XYLT1: variants seen among roughly 807,000 people sequenced by gnomAD.
The protein encoded by XYLT1 is xylosyltransferase 1.
Under a neutral mutation model 91.3 loss-of-function variants are expected in XYLT1, and 36 were observed. The ratio of observed to expected loss-of-function variants is 0.39; its 90% CI spans 0.30 to 0.52. XYLT1 has a LOEUF of 0.52. XYLT1 is among the 20% of genes least tolerant of loss of function. The pLI is 0.68. For synonymous variants in XYLT1, 588 were observed against 532.0 expected (o/e 1.11, Z -1.45); for missense variants, 1,242 against 1,284.5 (o/e 0.97, Z 0.51).
intron 3 of XYLT1, among the ~76,000 whole-genome samples, chr16:17,218,042 A>G (rs533669742): frequency 1.3e-5 from 2 of 152,100 alleles, no homozygotes; most frequent in African/African-American, 4.8e-5. Flanking sequence ...GGTGGATCAC[A>G]AGGTCAGGTG....
chr16:17,426,834 CTT>C (rs1020860152), intron 1 of XYLT1, among the ~76,000 whole-genome samples: 63 of 152,144 alleles, frequency 4.1e-4, no homozygotes, highest in African/African-American at 1.5e-3. Flanking sequence ...AGAGGAAAAA[CTT>C]TAAGTAGGGT....
Position 17,397,602 on chromosome 16 carries a change from A to C in XYLT1, c.364-39552T>G, listed in dbSNP as rs182962686. On this transcript the variant is annotated intron_variant, in intron 1 of 11. Transcript: ENST00000261381. Reference sequence around the variant, plus strand: ...GCTCTGATGCTATCAAAGGCCTCTCACACATATTCTTGGTTCCCTGCCAAC... The same window carrying C: ...GCTCTGATGCTATCAAAGGCCTCTCCCACATATTCTTGGTTCCCTGCCAAC... 3.5e-4 allele frequency among the ~76,000 whole-genome samples: 53 copies of C among 152,122 alleles called. 1 individual carries two copies. In the East Asian group the frequency reaches 7.6e-3, roughly 22 times the overall value.
At chr16:17,138,044 AT>A (rs2030813213) in intron 8 of XYLT1, among the ~76,000 whole-genome samples, 5 of 117,296 alleles carry the variant, frequency 4.3e-5, no homozygotes, top group African/African-American at 1.2e-4. Flanking sequence ...AGAGAAGATG[AT>A]ATGAGTATGG....
At chr16:17,283,752 A>G (rs9922241) in intron 2 of XYLT1, among the ~76,000 whole-genome samples, 25,045 of 152,164 alleles carry the variant, frequency 0.16, 2,373 homozygotes, top group African/African-American at 0.25. Context: ...CTTCTGTCTT[A>G]GGATACTTCA....
chr16:17,288,536 G>A (rs567501864), intron 2 of XYLT1, among the ~76,000 whole-genome samples: 1 of 152,180 alleles, frequency 6.6e-6, no homozygotes, highest in South Asian at 2.1e-4. Context: ...CTTGCCCTTG[G>A]CAATGTGCCC....
chr16:17,198,732 T>A (rs2032479355), intron 4 of XYLT1, among the ~76,000 whole-genome samples: 1 of 152,208 alleles, frequency 6.6e-6, no homozygotes, highest in African/African-American at 2.4e-5. Context: ...TTATTTTATT[T>A]TGAGATGGAG....
chr16:17,200,998 A>T (rs1207639385), intron 3 of XYLT1, among the ~76,000 whole-genome samples: 4 of 152,174 alleles, frequency 2.6e-5, no homozygotes, highest in Non-Finnish European at 5.9e-5. Context: ...AGAAGCAGTT[A>T]ATTTCGAGTT....
chr16:17,190,542 GTGT>G (rs1298698578), intron 5 of XYLT1, among the ~76,000 whole-genome samples: 2 of 150,136 alleles, frequency 1.3e-5, no homozygotes, highest in Non-Finnish European at 2.9e-5. Context: ...AGAACATGTG[GTGT>G]TCGGTTTTTT....
At chr16:17,130,700 A>G (rs997727664) in intron 9 of XYLT1, among the ~76,000 whole-genome samples, 1 of 152,140 alleles carries the variant, frequency 6.6e-6, no homozygotes, top group Non-Finnish European at 1.5e-5. Context: ...CCATCCTTTT[A>G]TACCTGGGCC....
rs538885348 is a variant in XYLT1 at position 17,108,678 on chromosome 16, A to C, written c.*17T>G. On this transcript the variant is annotated 3_prime_UTR_variant, in exon 12 of 12. Transcript: ENST00000261381. Reference sequence around the variant, plus strand: ...TCCCGTTGAGATCCTGCTGTGGCCCACTCCTCGTGCCCAGTGCTACCTGAG... The same window carrying C: ...TCCCGTTGAGATCCTGCTGTGGCCCCCTCCTCGTGCCCAGTGCTACCTGAG... 1 of 1,540,990 alleles carries C rather than the reference A, an allele frequency of 6.5e-7. No individual in the cohort carries two copies. The highest frequency in any genetic ancestry group is 8.7e-7 in the Non-Finnish European group (1 of 1,144,548).
At chr16:17,211,338 C>G (rs1156605732) in intron 3 of XYLT1, among the ~76,000 whole-genome samples, 4 of 152,160 alleles carry the variant, frequency 2.6e-5, no homozygotes, top group Non-Finnish European at 5.9e-5. Flanking sequence ...ACCCAAAGGT[C>G]CAGACAATGT....
intron 1 of XYLT1, among the ~76,000 whole-genome samples, chr16:17,379,763 T>TCTCTCTCTCACACA (rs373354877): frequency 4.7e-4 from 59 of 125,602 alleles, no homozygotes; most frequent in Non-Finnish European, 7.3e-4. Flanking sequence ...TCTCTCTCTC[T>TCTCTCTCTCACACA]CACACACACA....
intron 2 of XYLT1, among the ~76,000 whole-genome samples, chr16:17,331,278 C>A (rs1356585019): frequency 6.6e-6 from 1 of 152,240 alleles, no homozygotes; most frequent in Admixed American, 6.5e-5. Context: ...CTTCACCACA[C>A]CAAGGTAGAG....
intron 2 of XYLT1, among the ~76,000 whole-genome samples, chr16:17,351,858 G>A (rs2035225374): frequency 6.6e-6 from 1 of 151,842 alleles, no homozygotes; most frequent in African/African-American, 2.4e-5. Context: ...AATCACAAAT[G>A]TTGGGCCAGG....
chr16:17,326,310 C>T (rs1295770122), intron 2 of XYLT1, among the ~76,000 whole-genome samples: 2 of 152,196 alleles, frequency 1.3e-5, no homozygotes, highest in Non-Finnish European at 2.9e-5. Flanking sequence ...AATGCCTCCC[C>T]ATTTTCCTCT....
At chr16:17,131,380 C>T (rs7187647) in intron 9 of XYLT1, among the ~76,000 whole-genome samples, 2 of 152,236 alleles carry the variant, frequency 1.3e-5, no homozygotes, top group Non-Finnish European at 2.9e-5. Context: ...TGGCCCAAAG[C>T]TGTTTTTCTT....
At chr16:17,461,646 T>TGATG (rs756387587) in intron 1 of XYLT1, among the ~76,000 whole-genome samples, 99 of 151,832 alleles carry the variant, frequency 6.5e-4, no homozygotes, top group African/African-American at 2.1e-3. Context: ...ATGAATGGAC[T>TGATG]GATGGATGGA....
intron 2 of XYLT1, among the ~76,000 whole-genome samples, chr16:17,289,355 T>G (rs776190431): frequency 6.6e-5 from 10 of 152,256 alleles, no homozygotes; most frequent in Admixed American, 2.0e-4. Context: ...TTTCTCTGTC[T>G]GTCGCCTCCC....
At chr16:17,458,912 C>T (rs2036779452) in intron 1 of XYLT1, among the ~76,000 whole-genome samples, 1 of 151,844 alleles carries the variant, frequency 6.6e-6, no homozygotes, top group South Asian at 2.1e-4. Context: ...TAAATATTCA[C>T]CCAAGAAGAA....
Sources: allele counts gnomAD v4.1 joint callset (sites outside exome capture counted in the v4.1 genomes callset), GRCh38; gene constraint gnomAD v4.1.1; transcripts MANE v1.5; gene names NCBI Gene and HGNC (gene_info 2026-07-23, HGNC 2026-07-21).